The following CNTN1 variants were observed in gnomAD, a reference collection of about 807,000 sequenced individuals.
The protein encoded by CNTN1 is contactin-1.
Under a neutral mutation model 126.4 loss-of-function variants are expected in CNTN1, and 38 were observed. That is an observed-to-expected ratio of 0.30 (90% CI 0.23 to 0.39). The LOEUF is 0.39. Ranked by LOEUF, CNTN1 falls within the 10% of genes least tolerant of loss-of-function variation. CNTN1 has a pLI of 1.00. For missense variants in CNTN1, 1,009 were observed against 1,248.4 expected (o/e 0.81, Z 2.89); for synonymous variants, 413 against 422.6 (o/e 0.98, Z 0.28).
chr12:40,940,416 T>A (rs1458410832), intron 12 of CNTN1, among the ~76,000 whole-genome samples: 1 of 152,152 alleles, frequency 6.6e-6, no homozygotes, highest in East Asian at 1.9e-4. Context: ...TATAAATCTG[T>A]TTAAAGTCTT....
chr12:40,886,823 G>A (rs1342835412), intron 1 of CNTN1, among the ~76,000 whole-genome samples: 1 of 152,148 alleles, frequency 6.6e-6, no homozygotes. Context: ...ATTAAATAGG[G>A]AATCCTTTCC....
At chr12:41,060,069 C>T (rs1393559850) in intron 23 of CNTN1, among the ~76,000 whole-genome samples, 3 of 152,054 alleles carry the variant, frequency 2.0e-5, no homozygotes, top group South Asian at 4.1e-4. Flanking sequence ...ATGGATCAGG[C>T]TGTCCAGAAT....
In CNTN1 at chr12:40,909,156, C is replaced by T. The variant is rs1171759458; in HGVS notation, c.61+663C>T. 2.0e-5 allele frequency among the ~76,000 whole-genome samples: 3 copies of T among 152,078 alleles called. No homozygotes were observed. The South Asian group carries it at 6.2e-4, about 31-fold the overall frequency. On this transcript the variant is annotated intron_variant, in intron 2 of 23. Coordinates refer to ENST00000551295, the MANE Select transcript of CNTN1 (RefSeq NM_001843.4). ...TTAAAAAATGGATTAAAGTAATCTA[C>T]AGTGTGTGTAGGGACATAAGACTAA...
chr12:40,858,982 T>G (rs1943019990), intron 1 of CNTN1, among the ~76,000 whole-genome samples: 1 of 150,570 alleles, frequency 6.6e-6, no homozygotes, highest in Non-Finnish European at 1.5e-5. Context: ...TGTCAGAGGG[T>G]GGGGTTGGGG....
At chr12:40,860,870 G>T (rs745951548) in intron 1 of CNTN1, among the ~76,000 whole-genome samples, 24 of 152,010 alleles carry the variant, frequency 1.6e-4, no homozygotes, top group Admixed American at 2.6e-4. Flanking sequence ...TCTAATCAAG[G>T]CTTGGTATTT....
intron 16 of CNTN1, among the ~76,000 whole-genome samples, chr12:40,987,738 G>T (rs188347617): frequency 6.6e-6 from 1 of 152,058 alleles, no homozygotes; most frequent in African/African-American, 2.4e-5. Context: ...CCCTAAAATA[G>T]ATATTTGTAA....
At chr12:41,063,385 A>G (rs768969844) in intron 23 of CNTN1, among the ~76,000 whole-genome samples, 7 of 152,258 alleles carry the variant, frequency 4.6e-5, no homozygotes, top group African/African-American at 7.2e-5. Flanking sequence ...TATGGGCAGA[A>G]TATAATTCCT....
intron 1 of CNTN1, among the ~76,000 whole-genome samples, chr12:40,867,873 T>C (rs556006428): frequency 6.7e-6 from 1 of 149,408 alleles, no homozygotes; most frequent in South Asian, 2.1e-4. Flanking sequence ...AAGATGGGCT[T>C]TCTGAGTTTA....
intron 1 of CNTN1, among the ~76,000 whole-genome samples, chr12:40,755,190 C>CAAAAAAAAAAAAAAAAAAA (rs557970110): frequency 1.3e-4 from 10 of 78,202 alleles, no homozygotes; most frequent in Non-Finnish European, 1.8e-4. Context: ...GACCCCACCT[C>CAAAAAAAAAAAAAAAAAAA]AAAAAAAAAA....
chr12:40,776,469 G>T (rs1380619687), intron 1 of CNTN1, among the ~76,000 whole-genome samples: 1 of 151,414 alleles, frequency 6.6e-6, no homozygotes, highest in East Asian at 1.9e-4. Context: ...TAATTCTTAG[G>T]TCTTCTGTGA....
chr12:40,759,774 A>ATT (rs33992864), intron 1 of CNTN1, among the ~76,000 whole-genome samples: 13,259 of 133,304 alleles, frequency 0.099, 863 homozygotes, highest in Non-Finnish European at 0.14. Context: ...TGGCCCAGAT[A>ATT]TTTTTTTTTT....
chr12:41,019,111 G>A lies in CNTN1; in HGVS notation c.2420-1226G>A, dbSNP rs151030240. Among the ~76,000 whole-genome samples, 1,161 of 152,136 alleles carry A rather than the reference G, an allele frequency of 7.6e-3. 11 individuals are homozygous for A. Among genetic ancestry groups the A allele is most frequent in the African/African-American group, 0.027 (1,112 of 41,486 alleles). On this transcript the variant is annotated intron_variant, in intron 19 of 23. Coordinates refer to ENST00000551295, the MANE Select transcript of CNTN1 (RefSeq NM_001843.4). ...GTGGAGGTTGTGGTGAACCGAGATCGCGCCATTGCACTCCAGCCTGGGCAA... is the reference window on the plus strand; with the variant it reads ...GTGGAGGTTGTGGTGAACCGAGATCACGCCATTGCACTCCAGCCTGGGCAA...
intron 13 of CNTN1, 132 bp downstream of exon 13, chr12:40,943,856 A>T: frequency 7.2e-7 from 1 of 1,387,584 alleles, no homozygotes; most frequent in Admixed American, 2.0e-5. Context: ...TTGCTTGATG[A>T]TATTGTTCTT....
chr12:40,790,678 C>T lies in CNTN1; in HGVS notation c.-77+98086C>T, dbSNP rs377211934. ...AGCACCCCTCATTCAAAACCACTTTCCAATCTTAGGGGAGAATTTTCTGTC... is the reference window on the plus strand; with the variant it reads ...AGCACCCCTCATTCAAAACCACTTTTCAATCTTAGGGGAGAATTTTCTGTC... On this transcript the variant is annotated intron_variant, in intron 1 of 23. Coordinates refer to ENST00000551295, the MANE Select transcript of CNTN1 (RefSeq NM_001843.4). Among the ~76,000 whole-genome samples the T allele has an allele frequency of 9.2e-5, 14 of 152,198 alleles. No homozygotes were observed. The East Asian group carries it at 1.7e-3, about 19-fold the overall frequency.
At chr12:40,929,708 A>T in intron 6 of CNTN1, 88 bp from the exon 7 acceptor site, 3 of 950,256 alleles carry the variant, frequency 3.2e-6, no homozygotes, top group Non-Finnish European at 5.0e-6. Context: ...TTATTAGATT[A>T]AGTGATAGCT....
chr12:40,707,042 T>TG (rs1941765751), intron 1 of CNTN1, among the ~76,000 whole-genome samples: 6 of 149,214 alleles, frequency 4.0e-5, no homozygotes, highest in Admixed American at 1.3e-4. Context: ...GCGCGCGCGC[T>TG]TGCGCACACA....
intron 1 of CNTN1, among the ~76,000 whole-genome samples, chr12:40,723,564 G>A (rs1480336234): frequency 1.3e-5 from 2 of 152,260 alleles, no homozygotes; most frequent in Admixed American, 1.3e-4. Flanking sequence ...GTTTTTTAAA[G>A]TGTTTTATGA....
chr12:40,911,926 T>C (rs550366353), intron 3 of CNTN1, among the ~76,000 whole-genome samples: 2 of 152,302 alleles, frequency 1.3e-5, no homozygotes, highest in Non-Finnish European at 2.9e-5. Context: ...AGCTGAGCTT[T>C]GTCATGAAAG....
At chr12:41,057,149 T>TA (rs1245922863) in intron 23 of CNTN1, among the ~76,000 whole-genome samples, 3 of 144,174 alleles carry the variant, frequency 2.1e-5, no homozygotes, top group Non-Finnish European at 4.6e-5. Flanking sequence ...TATATTTAGA[T>TA]ATTTATAAAT....
Sources: gnomAD v4.1 joint callset for allele counts (sites outside exome capture counted in the v4.1 genomes callset) on GRCh38, gnomAD v4.1.1 for gene constraint, MANE v1.5 for transcripts, NCBI Gene and HGNC (gene_info 2026-07-23, HGNC 2026-07-21) for gene names.